KCNH7: variants seen among roughly 807,000 people sequenced by gnomAD.
The protein encoded by KCNH7 is voltage-gated inwardly rectifying potassium channel KCNH7.
KCNH7 carries 49 observed loss-of-function variants against 120.8 expected under a neutral mutation model. That is an observed-to-expected ratio of 0.41 (90% CI 0.32 to 0.51). The LOEUF (loss-of-function observed/expected upper bound fraction) is 0.51, where lower values mean the gene tolerates loss of function less well. Among genes scored for constraint, KCNH7 ranks in the 20% least tolerant of loss-of-function variants. The pLI is 0.38. For synonymous variants in KCNH7, 547 were observed against 516.1 expected (o/e 1.06, Z -0.81); for missense variants, 1,097 against 1,446.6 (o/e 0.76, Z 3.92).
At position 162,820,209 on chromosome 2, in the gene KCNH7, TTGTGTGTGTGTGTGTG is replaced by T. The variant is rs71410049; in HGVS notation, c.307+16312_307+16327del. 1.9e-3 allele frequency among the ~76,000 whole-genome samples: 188 copies of T among 99,734 alleles called. 1 individual carries two copies. Among genetic ancestry groups the T allele is most frequent in the African/African-American group, 5.9e-3 (161 of 27,086 alleles). 65.4% of individuals were successfully genotyped at this position (99,734 alleles called of 152,430 possible). ...CGCCCAGCACCACGCCCGGCTAATT[TTGTGTGTGTGTGTGTG>T]TGTGTGTGTGTGTGTGTGTGTGTGT... On this transcript the variant is annotated intron_variant, in intron 2 of 15. Transcript: ENST00000332142.
intron 2 of KCNH7, among the ~76,000 whole-genome samples, chr2:162,635,343 A>T (rs1683917292): frequency 6.6e-6 from 1 of 152,092 alleles, no homozygotes; most frequent in African/African-American, 2.4e-5. Context: ...ATAATAATAA[A>T]TAATTATAAT....
At chr2:162,534,348 A>G (rs1478340069) in intron 3 of KCNH7, among the ~76,000 whole-genome samples, 1 of 151,466 alleles carries the variant, frequency 6.6e-6, no homozygotes, top group Non-Finnish European at 1.5e-5. Context: ...AGTCTTTGGG[A>G]AAAAAGCTAC....
At chr2:162,508,670 T>G (rs1690964947) in intron 5 of KCNH7, among the ~76,000 whole-genome samples, 1 of 151,170 alleles carries the variant, frequency 6.6e-6, no homozygotes, top group South Asian at 2.1e-4. Flanking sequence ...TAAACCTAAG[T>G]GGACAGAATA....
At chr2:162,739,571 GC>G (rs1216023347) in intron 2 of KCNH7, among the ~76,000 whole-genome samples, 1 of 152,134 alleles carries the variant, frequency 6.6e-6, no homozygotes, top group Non-Finnish European at 1.5e-5. Context: ...CCTACATGGG[GC>G]CCAGTCATCA....
intron 6 of KCNH7, among the ~76,000 whole-genome samples, chr2:162,467,053 AG>A (rs2105624256): frequency 6.6e-6 from 1 of 152,234 alleles, no homozygotes; most frequent in Non-Finnish European, 1.5e-5. Context: ...TTCCTATGAC[AG>A]TGGGAGGCTT....
intron 2 of KCNH7, among the ~76,000 whole-genome samples, chr2:162,724,538 G>A (rs1202293208): frequency 2.0e-5 from 3 of 150,144 alleles, no homozygotes; most frequent in Non-Finnish European, 3.0e-5. Flanking sequence ...CGGGCGTAGT[G>A]GCGGGCGCCT....
At chr2:162,834,727 A>G (rs1685593939) in intron 2 of KCNH7, among the ~76,000 whole-genome samples, 1 of 152,122 alleles carries the variant, frequency 6.6e-6, no homozygotes, top group African/African-American at 2.4e-5. Flanking sequence ...CATTTTACAC[A>G]CCCACATTGC....
intron 9 of KCNH7, among the ~76,000 whole-genome samples, chr2:162,422,280 A>C (rs1286984898): frequency 2.0e-5 from 3 of 152,140 alleles, no homozygotes. Flanking sequence ...CATTCCTGCT[A>C]ATTTTGAACC....
intron 2 of KCNH7, among the ~76,000 whole-genome samples, chr2:162,715,299 C>T (rs1214051202): frequency 4.6e-5 from 7 of 152,072 alleles, no homozygotes; most frequent in Non-Finnish European, 8.8e-5. Flanking sequence ...GTAAGTGCCA[C>T]ACACTTTTAA....
chr2:162,534,279 T>C (rs1692032603), intron 3 of KCNH7, among the ~76,000 whole-genome samples: 1 of 151,288 alleles, frequency 6.6e-6, no homozygotes, highest in South Asian at 2.1e-4. Flanking sequence ...ATTAAGCATA[T>C]AAAAGCAAAA....
chr2:162,752,543 C>G (rs566956751), intron 2 of KCNH7, among the ~76,000 whole-genome samples: 1 of 152,030 alleles, frequency 6.6e-6, no homozygotes, highest in Non-Finnish European at 1.5e-5. Flanking sequence ...AATTTACTCT[C>G]AGTTTGGCTT....
At chr2:162,593,423 A>G (rs920307573) in intron 2 of KCNH7, among the ~76,000 whole-genome samples, 7 of 152,080 alleles carry the variant, frequency 4.6e-5, no homozygotes, top group South Asian at 2.1e-4. Flanking sequence ...CAATAAGCAG[A>G]GTCAATCTTA....
At chr2:162,390,641 A>G (rs1463271592) in intron 12 of KCNH7, among the ~76,000 whole-genome samples, 1 of 151,938 alleles carries the variant, frequency 6.6e-6, no homozygotes, top group Non-Finnish European at 1.5e-5. Context: ...TCTTCCTACA[A>G]TAAACATTGT....
At chr2:162,793,634 C>T (rs1462168855) in intron 2 of KCNH7, among the ~76,000 whole-genome samples, 5 of 151,608 alleles carry the variant, frequency 3.3e-5, no homozygotes, top group Non-Finnish European at 7.4e-5. Flanking sequence ...CCATTCTACT[C>T]AAAGCTATCT....
intron 1 of KCNH7, among the ~76,000 whole-genome samples, chr2:162,838,137 T>C (rs191106930): frequency 2.0e-5 from 3 of 152,290 alleles, no homozygotes; most frequent in Admixed American, 2.0e-4. Context: ...TATAAACCCA[T>C]GTTATCCTAG....
At chr2:162,788,787 A>G (rs1386776630) in intron 2 of KCNH7, among the ~76,000 whole-genome samples, 7 of 152,018 alleles carry the variant, frequency 4.6e-5, no homozygotes, top group Admixed American at 4.6e-4. Context: ...AAATTACCCC[A>G]AATAGATCAA....
chr2:162,695,827 G>A (rs1200118322), intron 2 of KCNH7, among the ~76,000 whole-genome samples: 1 of 152,062 alleles, frequency 6.6e-6, no homozygotes, highest in African/African-American at 2.4e-5. Flanking sequence ...CAGAGATGAA[G>A]GAGAGAGAAT....
intron 2 of KCNH7, among the ~76,000 whole-genome samples, chr2:162,642,315 C>T (rs1339137671): frequency 6.6e-6 from 1 of 152,078 alleles, no homozygotes; most frequent in African/African-American, 2.4e-5. Flanking sequence ...CATTATCTTG[C>T]CATTTAATAT....
At chr2:162,406,072 A>G (rs1489473619) in intron 9 of KCNH7, among the ~76,000 whole-genome samples, 2 of 151,970 alleles carry the variant, frequency 1.3e-5, no homozygotes, top group African/African-American at 2.4e-5. Context: ...ACAATAAACT[A>G]TTACTCTTTC....
Sources: gnomAD v4.1 joint callset for allele counts (sites outside exome capture counted in the v4.1 genomes callset) on GRCh38, gnomAD v4.1.1 for gene constraint, MANE v1.5 for transcripts, NCBI Gene and HGNC (gene_info 2026-07-23, HGNC 2026-07-21) for gene names.